The following TACC2 variants were observed in gnomAD, a reference collection of about 807,000 sequenced individuals.
TACC2 encodes transforming acidic coiled-coil containing protein 2, also known as transforming acidic coiled-coil-containing protein 2.
In TACC2, 137 loss-of-function variants were observed where a neutral mutation model predicts 227.3. The observed-to-expected ratio is 0.60, with a 90% CI of 0.52 to 0.69. The LOEUF (loss-of-function observed/expected upper bound fraction) is 0.69. TACC2 is among the 30% of genes least tolerant of loss of function. TACC2 has a pLI of 0.00. For synonymous variants in TACC2, 1,523 were observed against 1,487.5 expected (o/e 1.02, Z -0.55); for missense variants, 3,470 against 3,694.4 (o/e 0.94, Z 1.57).
In TACC2 at chr10:122,248,814, G is replaced by A. The variant is rs754338414; in HGVS notation, c.8553+11G>A. On this transcript the variant is annotated intron_variant, in intron 20 of 22. Coordinates refer to ENST00000369005, the MANE Select transcript of TACC2 (RefSeq NM_206862.4). Reference sequence around the variant, plus strand: ...GAAGGCTTCCGCAAGGTAGGGCTGAGTTTGGGGGCCACGGAGGAGGAGGAT... The same window carrying A: ...GAAGGCTTCCGCAAGGTAGGGCTGAATTTGGGGGCCACGGAGGAGGAGGAT... 1.2e-6 allele frequency: 2 copies of A among 1,614,056 alleles called. No homozygotes were observed. The highest frequency in any genetic ancestry group is 1.3e-5 in the African/African-American group (1 of 75,050).
Position 122,227,858 on chromosome 10 carries a change from A to G in TACC2, c.7746A>G (p.Glu2582=). 1 of 1,613,816 alleles carries G rather than the reference A, an allele frequency of 6.2e-7. No homozygotes were observed. Among genetic ancestry groups the G allele is most frequent in the Non-Finnish European group, 8.5e-7 (1 of 1,179,842 alleles). The change falls in exon 14 of 23, where the codon GAA becomes GAG. Residue 2582 remains glutamate (E), a synonymous_variant. Coordinates refer to ENST00000369005, the MANE Select transcript of TACC2 (RefSeq NM_206862.4). ...PCSGSSFEET[E]ALVNTAAKNQ... ...CCAGGTCAAGTTTTGAAGAGACTGA[A>G]GCCCTTGTGAACACTGCTGCGAAAA... is the stretch of plus-strand genomic sequence containing the variant.
chr10:122,084,118 A>G lies in TACC2; in HGVS notation c.1618A>G (p.Ser540Gly). 1.9e-6 allele frequency: 3 copies of G among 1,614,072 alleles called. No homozygotes were observed. Among genetic ancestry groups the G allele is most frequent in the Non-Finnish European group, 2.5e-6 (3 of 1,180,026 alleles). ...ACCCCCTCCTCTTCCCAAGGCACCAAGTGAAAGTGCCAGAGGGCCACCGGG... is the reference window on the plus strand; with the variant it reads ...ACCCCCTCCTCTTCCCAAGGCACCAGGTGAAAGTGCCAGAGGGCCACCGGG... ...APPPPLPKAP[S>G]ESARGPPGPT... The change falls in exon 4 of 23, where the codon AGT (serine) becomes GGT (glycine). Residue 540 changes from serine to glycine, a missense_variant. Transcript: ENST00000369005.
intron 2 of TACC2, among the ~76,000 whole-genome samples, chr10:122,033,351 G>A (rs1156945101): frequency 6.6e-6 from 1 of 152,178 alleles, no homozygotes; most frequent in African/African-American, 2.4e-5. Flanking sequence ...AGATTTTTTA[G>A]GATAGTATTT....
At chr10:121,992,952 C>G (rs2134857793) in intron 1 of TACC2, among the ~76,000 whole-genome samples, 1 of 146,666 alleles carries the variant, frequency 6.8e-6, no homozygotes, top group Admixed American at 6.9e-5. Context: ...GAGACTGTCT[C>G]TAAAAAAAAA....
intron 5 of TACC2, among the ~76,000 whole-genome samples, chr10:122,091,742 G>A (rs2080847594): frequency 6.6e-6 from 1 of 152,170 alleles, no homozygotes; most frequent in African/African-American, 2.4e-5. Flanking sequence ...GCCAGGCCAG[G>A]GGCTGTACTT....
Position 122,132,677 on chromosome 10 carries a change from C to T in TACC2, c.5642C>T (p.Ala1881Val), listed in dbSNP as rs762389768. 33 of 1,614,050 alleles carry T rather than the reference C, an allele frequency of 2.0e-5. No individual in the cohort carries two copies. The highest frequency in any genetic ancestry group is 2.7e-5 in the Non-Finnish European group (32 of 1,180,034). Residue 1881 changes from alanine to valine, a missense_variant, in exon 6 of 23, where the codon GCC becomes GTC. Ala to Val is a moderately conservative substitution (Grantham distance 64). This residue lies in a region of TACC2 where 1,924 missense variants were observed against 1,978.3 expected (regional missense o/e 0.97). Coordinates refer to ENST00000369005, the MANE Select transcript of TACC2 (RefSeq NM_206862.4). Reference sequence around the variant, plus strand: ...GACCTGGAAAGCCCAACCTTAGCTGCCTCTTCCTACCACGGTGATGTTGTT... The same window carrying T: ...GACCTGGAAAGCCCAACCTTAGCTGTCTCTTCCTACCACGGTGATGTTGTT... ...PADLESPTLA[A>V]SSYHGDVVGQ...
chr10:122,193,096 T>C (rs1309176266), intron 7 of TACC2, among the ~76,000 whole-genome samples: 3 of 152,204 alleles, frequency 2.0e-5, no homozygotes, highest in African/African-American at 7.2e-5. Context: ...AGTCAGTATC[T>C]TCTGTTGGGT....
At chr10:122,082,557 T>G in intron 3 of TACC2, 90 bp from the exon 4 acceptor site, 10 of 1,439,980 alleles carry the variant, frequency 6.9e-6, no homozygotes, top group Non-Finnish European at 9.4e-6. Flanking sequence ...TTGATGCCCT[T>G]TTGTGGGGGT....
At chr10:122,076,918 C>T (rs1565222112) in intron 3 of TACC2, among the ~76,000 whole-genome samples, 7 of 151,910 alleles carry the variant, frequency 4.6e-5, no homozygotes, top group Admixed American at 3.9e-4. Context: ...AGTTCGAGAC[C>T]AGCCTGGCCA....
At chr10:122,115,111 C>T (rs1003129745) in intron 5 of TACC2, among the ~76,000 whole-genome samples, 1 of 152,190 alleles carries the variant, frequency 6.6e-6, no homozygotes, top group Admixed American at 6.5e-5. Context: ...GCTTTGTATC[C>T]TGGTTATTTG....
chr10:122,039,441 T>A (rs2073979067), intron 2 of TACC2, among the ~76,000 whole-genome samples: 1 of 152,018 alleles, frequency 6.6e-6, no homozygotes, highest in Non-Finnish European at 1.5e-5. Flanking sequence ...GGGTTCAGGC[T>A]GCTGATCTGA....
intron 2 of TACC2, among the ~76,000 whole-genome samples, chr10:122,035,585 TA>T (rs1960039493): frequency 6.6e-6 from 1 of 152,200 alleles, no homozygotes. Flanking sequence ...AGGGGCTATT[TA>T]TTTTTTTATT....
intron 8 of TACC2, among the ~76,000 whole-genome samples, chr10:122,200,930 G>A (rs1400721789): frequency 1.4e-5 from 2 of 140,968 alleles, no homozygotes; most frequent in Admixed American, 7.2e-5. Flanking sequence ...GTGTTCACAC[G>A]GGGAGGACAG....
intron 7 of TACC2, among the ~76,000 whole-genome samples, chr10:122,182,918 G>A (rs918678270): frequency 3.3e-5 from 5 of 151,858 alleles, no homozygotes; most frequent in African/African-American, 7.3e-5. Context: ...GAGCCAGGTC[G>A]GGCCTGGTGG....
At chr10:122,202,013 C>CTTTTTTTTTTTTTTTTTTTTTATT (rs767544440) in intron 8 of TACC2, among the ~76,000 whole-genome samples, 1 of 102,370 alleles carries the variant, frequency 9.8e-6, no homozygotes, top group African/African-American at 3.5e-5. Flanking sequence ...TCTTCTTTAG[C>CTTTTTTTTTTTTTTTTTTTTTATT]TTTTTTTTTT....
chr10:122,137,821 C>T (rs772021882), intron 6 of TACC2, among the ~76,000 whole-genome samples: 18 of 152,278 alleles, frequency 1.2e-4, no homozygotes, highest in Admixed American at 3.3e-4. Context: ...GTTGTCCAGG[C>T]GCTTGCTTTT....
intron 16 of TACC2, among the ~76,000 whole-genome samples, chr10:122,235,658 G>A (rs2095843628): frequency 2.0e-5 from 3 of 152,172 alleles, no homozygotes; most frequent in African/African-American, 7.2e-5. Context: ...AAGCAGAACT[G>A]TGAAACCCAT....
intron 7 of TACC2, among the ~76,000 whole-genome samples, chr10:122,172,669 G>A (rs1215861546): frequency 6.6e-6 from 1 of 152,238 alleles, no homozygotes; most frequent in Admixed American, 6.5e-5. Flanking sequence ...GCCTCTTTCA[G>A]AAGAGGATCC....
At chr10:122,016,460 G>C (rs1052350631) in intron 1 of TACC2, among the ~76,000 whole-genome samples, 10 of 151,612 alleles carry the variant, frequency 6.6e-5, no homozygotes, top group African/African-American at 2.4e-4. Context: ...CCAGCTCCTC[G>C]GGAGGCTGAG....
Sources: gnomAD v4.1 joint callset for allele counts (sites outside exome capture counted in the v4.1 genomes callset) on GRCh38, gnomAD v4.1.1 for gene constraint, gnomAD v4.1.1 regional missense constraint, MANE v1.5 for transcripts, NCBI Gene and HGNC (gene_info 2026-07-23, HGNC 2026-07-21) for gene names.